Variants in ULK4 observed in about 807,000 individuals in gnomAD.
ULK4 encodes inactive serine/threonine-protein kinase ULK4.
A neutral mutation model predicts 160.6 loss-of-function variants in ULK4; 133 were observed. The ratio of observed to expected loss-of-function variants is 0.83; its 90% CI spans 0.72 to 0.96. ULK4 has a LOEUF of 0.96. Ranked by LOEUF, ULK4 falls within the 40% of genes least tolerant of loss-of-function variation. The probability of loss-of-function intolerance (pLI) is 0.00; values close to 1 mark genes in which losing one functional copy is unlikely to be tolerated. For synonymous variants in ULK4, 534 were observed against 539.8 expected (o/e 0.99, Z 0.15); for missense variants, 1,580 against 1,499.5 (o/e 1.05, Z -0.89).
intron 17 of ULK4, among the ~76,000 whole-genome samples, chr3:41,860,454 C>T (rs2042473881): frequency 6.6e-6 from 1 of 152,164 alleles, no homozygotes; most frequent in South Asian, 2.1e-4. Flanking sequence ...GCTGAACTGA[C>T]TCCTTTATCA....
intron 27 of ULK4, among the ~76,000 whole-genome samples, chr3:41,697,263 C>T (rs191293066): frequency 2.3e-3 from 349 of 152,238 alleles, no homozygotes; most frequent in Non-Finnish European, 4.1e-3. Flanking sequence ...AGCACATGTA[C>T]GATGACGGTC....
intron 2 of ULK4, among the ~76,000 whole-genome samples, chr3:41,950,636 G>GCCA (rs1365312795): frequency 6.6e-6 from 1 of 151,776 alleles, no homozygotes; most frequent in Non-Finnish European, 1.5e-5. Flanking sequence ...CAATTCGCCT[G>GCCA]CCTCGGTCTC....
chr3:41,754,725 T>C (rs1244586622), intron 21 of ULK4, among the ~76,000 whole-genome samples: 1 of 152,132 alleles, frequency 6.6e-6, no homozygotes, highest in Non-Finnish European at 1.5e-5. Context: ...AAGAGAAAAA[T>C]GAATATGGAA....
Position 41,931,834 on chromosome 3 carries a change from G to A in ULK4, c.541+10C>T. 2.5e-6 allele frequency: 4 copies of A among 1,613,642 alleles called. No individual in the cohort carries two copies. Among genetic ancestry groups the A allele is most frequent in the Non-Finnish European group, 3.4e-6 (4 of 1,179,794 alleles). ...GAGTTATGATCTTTAAGCTTTCCAGGTCCACATACCTTTGACTCTACTTTT... is the reference window on the plus strand; with the variant it reads ...GAGTTATGATCTTTAAGCTTTCCAGATCCACATACCTTTGACTCTACTTTT... On this transcript the variant is annotated intron_variant, in intron 5 of 36. Coordinates refer to ENST00000301831, the MANE Select transcript of ULK4 (RefSeq NM_017886.4).
At chr3:41,744,518 G>A (rs895282225) in intron 22 of ULK4, among the ~76,000 whole-genome samples, 5 of 151,780 alleles carry the variant, frequency 3.3e-5, no homozygotes, top group African/African-American at 1.2e-4. Context: ...AAGTAAGTAT[G>A]CAGCAAACAA....
In ULK4 at chr3:41,398,682, G is replaced by A. The variant is rs143463505; in HGVS notation, c.3493-418C>T. 2.4e-3 allele frequency among the ~76,000 whole-genome samples: 366 copies of A among 151,688 alleles called. 2 individuals are homozygous for A. The highest frequency in any genetic ancestry group is 0.015 in the East Asian group (78 of 5,158). On this transcript the variant is annotated intron_variant, in intron 34 of 36. Transcript: ENST00000301831. ...GCTGGGATTACAGGCATGAGCCACT[G>A]CGCCTGGCCTAAATACTTTTTTAAA... is the stretch of plus-strand genomic sequence containing the variant.
chr3:41,731,089 G>GA (rs1222748008), intron 22 of ULK4, among the ~76,000 whole-genome samples: 2 of 149,612 alleles, frequency 1.3e-5, no homozygotes, highest in East Asian at 1.9e-4. Flanking sequence ...ACCTGAATAG[G>GA]AAAAAAAATA....
At chr3:41,800,840 G>C (rs73073355) in intron 19 of ULK4, among the ~76,000 whole-genome samples, 2 of 151,970 alleles carry the variant, frequency 1.3e-5, no homozygotes, top group African/African-American at 4.8e-5. Context: ...TGGTCCTAGC[G>C]GTGCTAAAAA....
chr3:41,768,385 G>C (rs2039239285), intron 21 of ULK4, among the ~76,000 whole-genome samples: 1 of 152,156 alleles, frequency 6.6e-6, no homozygotes, highest in Non-Finnish European at 1.5e-5. Flanking sequence ...CACTAATGAA[G>C]TATATGGGGA....
At chr3:41,674,605 A>G (rs560990755) in intron 29 of ULK4, among the ~76,000 whole-genome samples, 31 of 152,308 alleles carry the variant, frequency 2.0e-4, no homozygotes, top group African/African-American at 7.2e-4. Context: ...ATGCATACAC[A>G]CTGAGTTAAA....
intron 27 of ULK4, among the ~76,000 whole-genome samples, chr3:41,692,678 T>C (rs989064599): frequency 6.6e-6 from 1 of 152,106 alleles, no homozygotes; most frequent in Non-Finnish European, 1.5e-5. Context: ...TATGGAATAA[T>C]CCAAGGAATT....
At chr3:41,786,803 G>A (rs985404302) in intron 21 of ULK4, among the ~76,000 whole-genome samples, 1 of 151,830 alleles carries the variant, frequency 6.6e-6, no homozygotes, top group African/African-American at 2.4e-5. Flanking sequence ...CAAAAACCCT[G>A]GACAATATAT....
chr3:41,564,916 T>C (rs985750126), intron 32 of ULK4, among the ~76,000 whole-genome samples: 3 of 152,144 alleles, frequency 2.0e-5, no homozygotes, highest in Non-Finnish European at 2.9e-5. Flanking sequence ...GCTCCATCCA[T>C]ATTAAGTGCC....
At chr3:41,649,518 CT>C (rs1334971324) in intron 30 of ULK4, among the ~76,000 whole-genome samples, 1 of 152,216 alleles carries the variant, frequency 6.6e-6, no homozygotes, top group Non-Finnish European at 1.5e-5. Context: ...TGGCCTCCCC[CT>C]GCTCCTGGCA....
chr3:41,703,838 A>G lies in ULK4; in HGVS notation c.2781+1219T>C, dbSNP rs1236804221. Among the ~76,000 whole-genome samples the G allele has an allele frequency of 6.3e-3, 564 of 90,204 alleles. 1 individual carries two copies. Among genetic ancestry groups the G allele is most frequent in the Non-Finnish European group, 0.01 (447 of 44,040 alleles). The allele number at this position is 90,204 out of a possible 152,430, so 59.2% of individuals were successfully genotyped here. ...AGTGAAGGATTTAATGCGCATGCAC[A>G]CACACACACACACACACACACACAC... On this transcript the variant is annotated intron_variant, in intron 27 of 36. Transcript: ENST00000301831.
chr3:41,908,039 A>C (rs528539082), intron 11 of ULK4, 98 bp from the exon 12 acceptor site: 2 of 745,704 alleles, frequency 2.7e-6, no homozygotes, highest in African/African-American at 3.6e-5. Flanking sequence ...AAAATGGTAG[A>C]GTATGATGAT....
chr3:41,550,275 A>T lies in ULK4; in HGVS notation c.3226+15750T>A, dbSNP rs559762789. On this transcript the variant is annotated intron_variant, in intron 32 of 36. Transcript: ENST00000301831. ...GAAGATAAATTAAAAAATGACTGAAATAAGTCCTTACCTATCAATAATAAC... is the reference window on the plus strand; with the variant it reads ...GAAGATAAATTAAAAAATGACTGAATTAAGTCCTTACCTATCAATAATAAC... Among the ~76,000 whole-genome samples, 8 of 152,236 alleles carry T rather than the reference A, an allele frequency of 5.3e-5. No individual in the cohort carries two copies. The South Asian group carries it at 1.7e-3, about 32-fold the overall frequency.
intron 17 of ULK4, among the ~76,000 whole-genome samples, chr3:41,838,166 C>T (rs538088297): frequency 1.8e-4 from 27 of 152,092 alleles, no homozygotes; most frequent in South Asian, 8.3e-4. Context: ...AAGAAAATGA[C>T]GAAAGAAGAA....
intron 32 of ULK4, among the ~76,000 whole-genome samples, chr3:41,477,248 T>C (rs1485773378): frequency 1.3e-5 from 2 of 152,246 alleles, no homozygotes; most frequent in Non-Finnish European, 2.9e-5. Flanking sequence ...AAGTGTTTAA[T>C]GTTCTGAGAA....
Sources: gnomAD v4.1 joint callset for allele counts (sites outside exome capture counted in the v4.1 genomes callset) on GRCh38, gnomAD v4.1.1 for gene constraint, MANE v1.5 for transcripts, NCBI Gene and HGNC (gene_info 2026-07-23, HGNC 2026-07-21) for gene names.